The following MYO1H variants were observed in gnomAD, a reference collection of about 807,000 sequenced individuals.
MYO1H encodes unconventional myosin-Ih.
In MYO1H, 118 loss-of-function variants were observed where a neutral mutation model predicts 149.3. That is an observed-to-expected ratio of 0.79 (90% CI 0.68 to 0.92). The LOEUF (loss-of-function observed/expected upper bound fraction) is 0.92, where lower values mean the gene tolerates loss of function less well. MYO1H is among the 40% of genes least tolerant of loss of function. The pLI is 0.00. For missense variants in MYO1H, 1,212 were observed against 1,280.7 expected (o/e 0.95, Z 0.82); for synonymous variants, 447 against 465.2 (o/e 0.96, Z 0.50).
At chr12:109,445,406 T>C in intron 30 of MYO1H, 107 bp from the exon 31 acceptor site, 1 of 837,260 alleles carries the variant, frequency 1.2e-6, no homozygotes, top group South Asian at 1.9e-5. Context: ...AAACAGGAAT[T>C]TGATCTTGAA....
chr12:109,368,619 C>T (rs1868917355), intron 1 of MYO1H, among the ~76,000 whole-genome samples: 1 of 101,158 alleles, frequency 9.9e-6, no homozygotes, highest in African/African-American at 3.7e-5. Context: ...TCAGCCTGGG[C>T]AACAAAGCAA....
At chr12:109,439,328 C>T (rs1872007914) in intron 23 of MYO1H, among the ~76,000 whole-genome samples, 1 of 152,174 alleles carries the variant, frequency 6.6e-6, no homozygotes, top group South Asian at 2.1e-4. Context: ...ATCCGCCTGC[C>T]TCAGCCTGCC....
At chr12:109,438,067 G>A (rs994725288) in intron 22 of MYO1H, among the ~76,000 whole-genome samples, 19 of 135,716 alleles carry the variant, frequency 1.4e-4, no homozygotes, top group African/African-American at 2.9e-4. Context: ...CAGCTTGGGC[G>A]ACAGAGCAAG....
chr12:109,442,093 GA>G (rs1872160511), intron 26 of MYO1H, 123 bp from the exon 27 acceptor site: 6 of 785,194 alleles, frequency 7.6e-6, no homozygotes, highest in Non-Finnish European at 1.3e-5. Context: ...AGCATTTCCT[GA>G]TGGCTATTTC....
chr12:109,425,943 C>T lies in MYO1H; in HGVS notation c.1726-3C>T. ...CTCTCTCTCTTTCTCTCTCTCTCTG[C>T]AGGTGGGGACTCAGTTTAAAAACAG... On this transcript the variant is annotated splice_polypyrimidine_tract_variant and splice_region_variant and intron_variant, in intron 17 of 31. Transcript: ENST00000310903. 3.1e-6 allele frequency: 5 copies of T among 1,602,816 alleles called. No homozygotes were observed. Among genetic ancestry groups the T allele is most frequent in the Non-Finnish European group, 4.3e-6 (5 of 1,170,126 alleles).
At chr12:109,413,777 G>A (rs1263797207) in intron 14 of MYO1H, among the ~76,000 whole-genome samples, 1 of 152,102 alleles carries the variant, frequency 6.6e-6, no homozygotes, top group Non-Finnish European at 1.5e-5. Context: ...AGGCATGGTG[G>A]TACACGCCTG....
the MYO1H span, among the ~76,000 whole-genome samples, chr12:109,340,771 C>G: frequency 6.6e-6 from 1 of 152,132 alleles, no homozygotes; most frequent in Non-Finnish European, 1.5e-5. Context: ...TCCGGCAAAT[C>G]TGTCTATGAT....
intron 1 of MYO1H, among the ~76,000 whole-genome samples, chr12:109,364,584 C>T (rs913015228): frequency 1.2e-4 from 19 of 152,114 alleles, no homozygotes; most frequent in Non-Finnish European, 2.6e-4. Flanking sequence ...CTCGGCTTCC[C>T]ACGTTCTTTT....
intron 31 of MYO1H, chr12:109,446,618 T>C (rs1329990740): frequency 1.4e-5 from 3 of 215,384 alleles, no homozygotes; most frequent in Non-Finnish European, 2.4e-5. Flanking sequence ...CAAAAATTAG[T>C]TGAGCATGGT....
At chr12:109,440,447 G>C (rs1395974197) in intron 24 of MYO1H, 4 of 334,766 alleles carry the variant, frequency 1.2e-5, no homozygotes, top group African/African-American at 8.6e-5. Context: ...CGGGGCTGTT[G>C]TAAGAGTCCC....
intron 20 of MYO1H, 28 bp downstream of exon 20, chr12:109,433,038 TCTCTTCC>T: frequency 1.3e-6 from 2 of 1,574,558 alleles, no homozygotes; most frequent in Non-Finnish European, 1.7e-6. Flanking sequence ...CACCAAATGG[TCTCTTCC>T]CTTGACATCA....
chr12:109,373,434 T>C (rs1869026810), intron 1 of MYO1H, among the ~76,000 whole-genome samples: 1 of 152,120 alleles, frequency 6.6e-6, no homozygotes, highest in Non-Finnish European at 1.5e-5. Context: ...GATCAAATGC[T>C]TTTTTAAAAC....
the MYO1H span, among the ~76,000 whole-genome samples, chr12:109,331,394 A>G: frequency 4.7e-5 from 7 of 149,564 alleles, no homozygotes; most frequent in Admixed American, 4.7e-4. Flanking sequence ...CCTTTTGGGG[A>G]CTTGCTTCCA....
chr12:109,389,581 C>G (rs916111257), intron 2 of MYO1H, among the ~76,000 whole-genome samples: 26 of 140,378 alleles, frequency 1.9e-4, no homozygotes, highest in African/African-American at 7.0e-4. Context: ...ACTTACCAAA[C>G]TCTTCTCAGA....
the MYO1H span, among the ~76,000 whole-genome samples, chr12:109,342,107 A>T: frequency 1.4e-5 from 2 of 147,862 alleles, no homozygotes; most frequent in Middle Eastern, 7.1e-3. Flanking sequence ...TTTCTGCCAC[A>T]CTGCTTTAAA....
intron 31 of MYO1H, chr12:109,445,975 C>T (rs1015333728): frequency 9.1e-6 from 9 of 985,194 alleles, no homozygotes; most frequent in Middle Eastern, 5.2e-4. Flanking sequence ...CGCTTGTGTC[C>T]CACCCAGATA....
At chr12:109,354,151 T>G (rs1314651343) in intron 1 of MYO1H, 1 of 152,210 alleles carries the variant, frequency 6.6e-6, no homozygotes, top group Non-Finnish European at 1.5e-5. Flanking sequence ...TTATCACAAA[T>G]CATTCAGTGC....
chr12:109,362,332 A>AGAATCTGT (rs1446330058), intron 1 of MYO1H, among the ~76,000 whole-genome samples: 1 of 152,200 alleles, frequency 6.6e-6, no homozygotes, highest in African/African-American at 2.4e-5. Context: ...GAGCCAAAAG[A>AGAATCTGT]GAATCTGTTT....
At chr12:109,377,575 A>T (rs866333301) in intron 1 of MYO1H, among the ~76,000 whole-genome samples, 17 of 152,176 alleles carry the variant, frequency 1.1e-4, no homozygotes, top group African/African-American at 3.6e-4. Flanking sequence ...GACTTGGTGG[A>T]AACAAACCAT....
Sources: allele counts gnomAD v4.1 joint callset (sites outside exome capture counted in the v4.1 genomes callset), GRCh38; gene constraint gnomAD v4.1.1; transcripts MANE v1.5; gene names NCBI Gene and HGNC (gene_info 2026-07-23, HGNC 2026-07-21).